The following BLNK variants were observed in gnomAD, a reference collection of about 807,000 sequenced individuals.
BLNK encodes the protein B cell linker.
BLNK carries 29 observed loss-of-function variants against 73.5 expected under a neutral mutation model. The ratio of observed to expected loss-of-function variants is 0.39; its 90% CI spans 0.29 to 0.54. The LOEUF (loss-of-function observed/expected upper bound fraction) is 0.54. Among genes scored for constraint, BLNK ranks in the 20% least tolerant of loss-of-function variants. The pLI is 0.61. For missense variants in BLNK, 460 were observed against 562.8 expected, an observed-to-expected ratio of 0.82 and a Z score of 1.85; for synonymous variants, 176 against 200.8, an observed-to-expected ratio of 0.88 and a Z score of 1.04.
intron 16 of BLNK, among the ~76,000 whole-genome samples, chr10:96,192,363 A>G (rs2083349807): frequency 6.6e-6 from 1 of 152,202 alleles, no homozygotes; most frequent in African/African-American, 2.4e-5. Flanking sequence ...ATAAAATATT[A>G]TAGTATATTG....
intron 8 of BLNK, among the ~76,000 whole-genome samples, chr10:96,214,596 C>T (rs188405897): frequency 1.5e-3 from 226 of 152,136 alleles, no homozygotes; most frequent in Non-Finnish European, 2.6e-3. Context: ...GGAGGCTCTA[C>T]GCATTGAGAA....
chr10:96,254,365 T>C (rs191603037), intron 1 of BLNK, among the ~76,000 whole-genome samples: 141 of 152,308 alleles, frequency 9.3e-4, no homozygotes, highest in African/African-American at 3.1e-3. Context: ...CACCTTTACC[T>C]GGACTCAGAT....
rs587768650 is a variant in BLNK at position 96,224,046 on chromosome 10, G to T, written c.362-57C>A. ...AAAGAGGCTCTGGATCATTTCCTGG[G>T]TGGAAGCCATTGAGATCCAGAAAGT... On this transcript the variant is annotated intron_variant, in intron 5 of 16. Transcript: ENST00000224337. The T allele has an allele frequency of 2.3e-4, 375 of 1,600,206 alleles. 3 individuals carry two copies. In the South Asian group the frequency reaches 4.0e-3, roughly 17 times the overall value.
chr10:96,218,679 CAAAA>C (rs10706950), intron 6 of BLNK, among the ~76,000 whole-genome samples: 6 of 124,250 alleles, frequency 4.8e-5, no homozygotes, highest in Admixed American at 8.1e-5. Context: ...ACCTTGTCTC[CAAAA>C]AAAAAAAAAA....
At chr10:96,245,419 A>C (rs1179500140) in intron 2 of BLNK, among the ~76,000 whole-genome samples, 1 of 152,204 alleles carries the variant, frequency 6.6e-6, no homozygotes, top group Non-Finnish European at 1.5e-5. Flanking sequence ...TGGTATATTC[A>C]AGGTCTGCAA....
Position 96,216,704 on chromosome 10 carries a change from C to G in BLNK, c.556G>C (p.Asp186His). ...TCTGTGGGATGAATATAGTTTTCAT[C>G]ATTATCTTCCACGGGGACCACATAA... ...ADYVVPVEDN[D>H]ENYIHPTESS... is the part of the protein sequence containing the mutation. Residue 186 changes from aspartate to histidine, a missense_variant, in exon 7 of 17, where the codon GAT (aspartate) becomes CAT (histidine). Coordinates refer to ENST00000224337, the MANE Select transcript of BLNK (RefSeq NM_013314.4). 6.2e-7 allele frequency: 1 copy of G among 1,614,110 alleles called. No homozygotes were observed.
chr10:96,270,627 T>C (rs1554915425), intron 1 of BLNK, among the ~76,000 whole-genome samples: 1 of 148,632 alleles, frequency 6.7e-6, no homozygotes, highest in East Asian at 2.0e-4. Context: ...AAAAAAAAAC[T>C]GTTAAAAAAT....
At chr10:96,229,654 C>CTCTGTG (rs1554903568) in intron 4 of BLNK, among the ~76,000 whole-genome samples, 10 of 142,586 alleles carry the variant, frequency 7.0e-5, no homozygotes, top group Non-Finnish European at 1.2e-4. Flanking sequence ...TTACATGTGG[C>CTCTGTG]TGTGTGTGTG....
Position 96,227,525 on chromosome 10 carries a change from C to T in BLNK, c.246G>A (p.Glu82=), listed in dbSNP as rs2134032133. Residue 82 remains glutamate (E), a synonymous_variant, in exon 5 of 17, where the codon GAG becomes GAA. Coordinates refer to ENST00000224337, the MANE Select transcript of BLNK (RefSeq NM_013314.4). ...TCTCCTCGGCGGGCATCACGTACAT[C>T]TCTGAGTCCGAGTGCTCATCTGGAT... is the stretch of plus-strand genomic sequence containing the variant. ...YENPDEHSDS[E]MYVMPAEENA... The T allele has an allele frequency of 1.2e-6, 2 of 1,614,210 alleles. No individual in the cohort carries two copies. The highest frequency in any genetic ancestry group is 4.5e-5 in the East Asian group (2 of 44,888).
intron 2 of BLNK, among the ~76,000 whole-genome samples, chr10:96,246,324 G>A (rs1261927365): frequency 6.6e-6 from 1 of 152,110 alleles, no homozygotes; most frequent in Non-Finnish European, 1.5e-5. Flanking sequence ...AGGCTGAGGC[G>A]GGCGGATCAC....
chr10:96,267,745 A>G (rs1384015223), intron 1 of BLNK, among the ~76,000 whole-genome samples: 1 of 152,256 alleles, frequency 6.6e-6, no homozygotes, highest in East Asian at 1.9e-4. Flanking sequence ...TAGACAAAAT[A>G]GTCAAAATAG....
At chr10:96,225,046 CT>C (rs1242640446) in intron 5 of BLNK, among the ~76,000 whole-genome samples, 3 of 152,156 alleles carry the variant, frequency 2.0e-5, no homozygotes, top group Non-Finnish European at 2.9e-5. Context: ...CCTTAGAGAT[CT>C]TGAGGGGATT....
At chr10:96,240,507 A>G (rs1842851188) in intron 3 of BLNK, among the ~76,000 whole-genome samples, 1 of 152,062 alleles carries the variant, frequency 6.6e-6, no homozygotes, top group Non-Finnish European at 1.5e-5. Flanking sequence ...CAATCCTCCC[A>G]TCTTGGCCTC....
At chr10:96,238,836 G>A (rs770605032) in intron 3 of BLNK, 165 of 292,318 alleles carry the variant, frequency 5.6e-4, no homozygotes, top group Non-Finnish European at 8.7e-4. Flanking sequence ...CAGGGATTGA[G>A]GGAATAAAAT....
At chr10:96,242,835 T>C (rs587761411) in intron 2 of BLNK, 51 bp from the exon 3 acceptor site, 1 of 1,457,968 alleles carries the variant, frequency 6.9e-7, no homozygotes, top group African/African-American at 1.4e-5. Context: ...ACAATGATGG[T>C]CAAAGCCGAT....
At chr10:96,212,584 CA>C (rs1554898882) in intron 8 of BLNK, among the ~76,000 whole-genome samples, 9 of 152,206 alleles carry the variant, frequency 5.9e-5, no homozygotes, top group African/African-American at 9.7e-5. Flanking sequence ...GCTTCTCAAG[CA>C]CAGCGGGGAC....
At chr10:96,233,364 C>G (rs996233002) in intron 3 of BLNK, among the ~76,000 whole-genome samples, 2 of 152,178 alleles carry the variant, frequency 1.3e-5, no homozygotes, top group Non-Finnish European at 2.9e-5. Flanking sequence ...CCAATCCATC[C>G]ATCCTACCGT....
At chr10:96,232,025 C>A (rs1281671075) in intron 3 of BLNK, among the ~76,000 whole-genome samples, 4 of 152,208 alleles carry the variant, frequency 2.6e-5, no homozygotes, top group Non-Finnish European at 4.4e-5. Flanking sequence ...ACAGCCCAGG[C>A]GAATATTTGA....
intron 3 of BLNK, among the ~76,000 whole-genome samples, chr10:96,241,851 A>G (rs1262849536): frequency 6.6e-6 from 1 of 151,472 alleles, no homozygotes; most frequent in East Asian, 1.9e-4. Flanking sequence ...CCTCCTGAGT[A>G]GCTGGGACTA....
Sources: allele counts gnomAD v4.1 joint callset (sites outside exome capture counted in the v4.1 genomes callset), GRCh38; gene constraint gnomAD v4.1.1; transcripts MANE v1.5; gene names NCBI Gene and HGNC (gene_info 2026-07-23, HGNC 2026-07-21).